The following HDAC4 variants were observed in gnomAD, a reference collection of about 807,000 sequenced individuals.
The protein encoded by HDAC4 is histone deacetylase 4, also known as histone deacetylase A.
A neutral mutation model predicts 135.1 loss-of-function variants in HDAC4; 16 were observed. The observed-to-expected ratio is 0.12, with a 90% confidence interval of 0.08 to 0.18. The LOEUF is 0.18. Among genes scored for constraint, HDAC4 ranks in the 10% least tolerant of loss-of-function variants. The pLI is 1.00. For missense variants in HDAC4, 1,143 were observed against 1,511.8 expected, an observed-to-expected ratio of 0.76 and a Z score of 4.05; for synonymous variants, 685 against 653.4, an observed-to-expected ratio of 1.05 and a Z score of -0.74.
At chr2:239,301,542 G>C (rs1224790129) in intron 2 of HDAC4, among the ~76,000 whole-genome samples, 1 of 151,604 alleles carries the variant, frequency 6.6e-6, no homozygotes, top group Admixed American at 6.6e-5. Context: ...GAGTGCAGCG[G>C]TATGACATGG....
chr2:239,102,935 G>A, intron 15 of HDAC4, 39 bp from the exon 16 acceptor site: 1 of 1,613,216 alleles, frequency 6.2e-7, no homozygotes, highest in Non-Finnish European at 8.5e-7. Flanking sequence ...ACGTTCTGCA[G>A]AAGCTGCTGC....
At chr2:239,242,516 T>C (rs1053313827) in intron 2 of HDAC4, among the ~76,000 whole-genome samples, 1 of 152,230 alleles carries the variant, frequency 6.6e-6, no homozygotes. Flanking sequence ...TTCTGTATCG[T>C]AGAATATTAA....
intron 14 of HDAC4, among the ~76,000 whole-genome samples, chr2:239,109,738 G>T (rs1158052235): frequency 6.6e-6 from 1 of 152,196 alleles, no homozygotes; most frequent in Non-Finnish European, 1.5e-5. Context: ...CAGACACATA[G>T]GCAATGACGG....
At chr2:239,083,012 G>C (rs1460038981) in intron 20 of HDAC4, among the ~76,000 whole-genome samples, 2 of 152,256 alleles carry the variant, frequency 1.3e-5, no homozygotes, top group African/African-American at 4.8e-5. Flanking sequence ...TCACAGAAAA[G>C]GCGGAAGGGC....
chr2:239,370,114 T>C (rs1056692458), intron 1 of HDAC4, among the ~76,000 whole-genome samples: 6 of 152,270 alleles, frequency 3.9e-5, no homozygotes, highest in African/African-American at 1.4e-4. Flanking sequence ...TCCCCGGGAC[T>C]GGCAGGTCAG....
rs1380487179 is a variant in HDAC4 at position 239,156,827 on chromosome 2, C to T, written c.612-54G>A. 19 of 1,610,414 alleles carry T rather than the reference C, an allele frequency of 1.2e-5. No homozygotes were observed. The East Asian group carries it at 2.7e-4, about 23-fold the overall frequency. ...AGTTTACCCAGCGCACTGCCCCAGG[C>T]ATGCTGCAGCCGAGAAGCCACACAC... On this transcript the variant is annotated intron_variant, in intron 6 of 26. Transcript: ENST00000543185.
At chr2:239,276,548 A>T (rs2050376639) in intron 2 of HDAC4, among the ~76,000 whole-genome samples, 1 of 152,218 alleles carries the variant, frequency 6.6e-6, no homozygotes, top group Non-Finnish European at 1.5e-5. Flanking sequence ...TGGGGACCTA[A>T]GTCCCTCTAG....
At chr2:239,310,290 G>A (rs1467342214) in intron 2 of HDAC4, among the ~76,000 whole-genome samples, 1 of 152,224 alleles carries the variant, frequency 6.6e-6, no homozygotes, top group East Asian at 1.9e-4. Context: ...AGATGTGGGT[G>A]GAAACCCCAG....
At chr2:239,182,465 T>C (rs962873195) in intron 4 of HDAC4, among the ~76,000 whole-genome samples, 2 of 152,112 alleles carry the variant, frequency 1.3e-5, no homozygotes, top group Non-Finnish European at 2.9e-5. Context: ...GCAACAACCA[T>C]GGCTGCTGGG....
At chr2:239,383,382 G>A (rs575269897) in intron 1 of HDAC4, among the ~76,000 whole-genome samples, 22 of 152,312 alleles carry the variant, frequency 1.4e-4, no homozygotes. Context: ...CTGAAAGAAG[G>A]ATAAAGCTGC....
intron 1 of HDAC4, among the ~76,000 whole-genome samples, chr2:239,356,146 A>G (rs898480248): frequency 8.5e-5 from 13 of 152,232 alleles, no homozygotes; most frequent in African/African-American, 2.7e-4. Flanking sequence ...TAAGAAAAAC[A>G]TCACATAGTT....
intron 8 of HDAC4, among the ~76,000 whole-genome samples, chr2:239,140,695 C>T (rs933221197): frequency 4.6e-5 from 7 of 152,180 alleles, no homozygotes; most frequent in South Asian, 2.1e-4. Flanking sequence ...AACCTATATG[C>T]GCAGCGCATA....
chr2:239,387,903 G>A (rs1444418193), intron 1 of HDAC4, among the ~76,000 whole-genome samples: 1 of 152,192 alleles, frequency 6.6e-6, no homozygotes, highest in Non-Finnish European at 1.5e-5. Flanking sequence ...GTGGGCTCAG[G>A]AGCAGCAGCC....
intron 22 of HDAC4, among the ~76,000 whole-genome samples, chr2:239,076,652 C>A (rs753571059): frequency 2.6e-5 from 4 of 152,200 alleles, no homozygotes; most frequent in African/African-American, 4.8e-5. Context: ...GGCTGGCACG[C>A]CATGCTTGAG....
At chr2:239,195,354 T>C (rs79239997) in intron 3 of HDAC4, among the ~76,000 whole-genome samples, 4,833 of 152,274 alleles carry the variant, frequency 0.032, 265 homozygotes, top group African/African-American at 0.11. Flanking sequence ...TGCATTTATG[T>C]TGGATTCAAT....
chr2:239,308,024 G>A lies in HDAC4; in HGVS notation c.22+44654C>T, dbSNP rs1177868540. Among the ~76,000 whole-genome samples the A allele has an allele frequency of 6.6e-6, 1 of 152,172 alleles. No homozygotes were observed. The highest frequency in any genetic ancestry group is 1.9e-4 in the East Asian group (1 of 5,186). On this transcript the variant is annotated intron_variant, in intron 2 of 26. Transcript: ENST00000543185. This position sits in a 1 kb window ranked among gnomAD's most constrained non-coding sequence, Gnocchi z 4.2. ...CAGCAATGAGTGGCCACACAGCAAC[G>A]AGCTGCGAGGAGCCAAGGATGGCCC...
intron 24 of HDAC4, among the ~76,000 whole-genome samples, chr2:239,065,988 C>G (rs554903250): frequency 2.6e-5 from 4 of 152,324 alleles, no homozygotes; most frequent in African/African-American, 9.6e-5. Flanking sequence ...ACTTCAGACA[C>G]TCTTGGAGGT....
intron 22 of HDAC4, among the ~76,000 whole-genome samples, chr2:239,076,619 G>C (rs543350674): frequency 6.6e-6 from 1 of 152,286 alleles, no homozygotes; most frequent in East Asian, 1.9e-4. Context: ...AGCCTCTGGG[G>C]ACTCCGTGGG....
chr2:239,072,618 C>T (rs916301474), intron 22 of HDAC4, among the ~76,000 whole-genome samples: 5 of 152,348 alleles, frequency 3.3e-5, no homozygotes, highest in South Asian at 4.1e-4. Context: ...ATGCACTCAC[C>T]GGGCCCAGTG....
Sources: allele counts gnomAD v4.1 joint callset (sites outside exome capture counted in the v4.1 genomes callset), GRCh38; gene constraint gnomAD v4.1.1; non-coding constraint Gnocchi (gnomAD v3.1); transcripts MANE v1.5; gene names NCBI Gene and HGNC (gene_info 2026-07-23, HGNC 2026-07-21).